PLCB1: variants seen among roughly 807,000 people sequenced by gnomAD.
PLCB1 encodes phospholipase C beta 1.
PLCB1 carries 46 observed loss-of-function variants against 161.8 expected under a neutral mutation model. The observed-to-expected ratio is 0.28, with a 90% CI of 0.22 to 0.36. The LOEUF (loss-of-function observed/expected upper bound fraction) is 0.36. PLCB1 is among the 10% of genes least tolerant of loss of function. PLCB1 has a pLI of 1.00. For synonymous variants in PLCB1, 517 were observed against 503.7 expected (o/e 1.03, Z -0.35); for missense variants, 1,016 against 1,472.5 (o/e 0.69, Z 5.07).
rs75467343 is a variant in PLCB1, at chr20:8,654,755, C to T, written c.595-2429C>T. Among the ~76,000 whole-genome samples the T allele has an allele frequency of 6.3e-3, 965 of 152,000 alleles. 7 individuals carry two copies. Among genetic ancestry groups the T allele is most frequent in the African/African-American group, 0.022 (924 of 41,492 alleles). On this transcript the variant is annotated intron_variant, in intron 7 of 31. Coordinates refer to ENST00000338037, the MANE Select transcript of PLCB1 (RefSeq NM_015192.4). ...CCTAGACAAACAGGAAAAATGAATC[C>T]GTGCCATTCACTTCACCAAGCTGTG...
chr20:8,403,155 G>T (rs1296725586), intron 3 of PLCB1, among the ~76,000 whole-genome samples: 3 of 151,968 alleles, frequency 2.0e-5, no homozygotes, highest in East Asian at 1.9e-4. Flanking sequence ...AGTCCCAAAT[G>T]ATATAAAAAA....
chr20:8,673,049 T>G (rs1765648395), intron 9 of PLCB1, among the ~76,000 whole-genome samples: 1 of 151,780 alleles, frequency 6.6e-6, no homozygotes, highest in Non-Finnish European at 1.5e-5. Context: ...GAGGCAGAGG[T>G]TGCAGTGAGC....
At chr20:8,648,570 A>G (rs1401315922) in intron 6 of PLCB1, among the ~76,000 whole-genome samples, 2 of 152,196 alleles carry the variant, frequency 1.3e-5, no homozygotes, top group East Asian at 1.9e-4. Context: ...AGTAACGAAA[A>G]AAAGTCCATC....
At chr20:8,144,152 A>T (rs1343545891) in intron 1 of PLCB1, among the ~76,000 whole-genome samples, 1 of 152,216 alleles carries the variant, frequency 6.6e-6, no homozygotes. Context: ...CAATAAGTAC[A>T]TGAAAAGATG....
At chr20:8,662,215 AATT>A (rs1357213133) in intron 9 of PLCB1, among the ~76,000 whole-genome samples, 3 of 76,256 alleles carry the variant, frequency 3.9e-5, no homozygotes, top group African/African-American at 1.1e-4. Flanking sequence ...TATTATATAT[AATT>A]ATTATATAAT....
At chr20:8,261,302 C>T (rs756468641) in intron 2 of PLCB1, among the ~76,000 whole-genome samples, 29 of 152,030 alleles carry the variant, frequency 1.9e-4, no homozygotes, top group Non-Finnish European at 4.0e-4. Context: ...ACACTTGCCG[C>T]GCTTAGAGAG....
intron 3 of PLCB1, among the ~76,000 whole-genome samples, chr20:8,594,691 A>G (rs978236142): frequency 3.4e-4 from 51 of 152,170 alleles, no homozygotes; most frequent in African/African-American, 1.9e-4. Flanking sequence ...GAAACCAAAA[A>G]AAAAAAAGCA....
At chr20:8,388,951 G>A (rs569549519) in intron 3 of PLCB1, among the ~76,000 whole-genome samples, 1 of 152,266 alleles carries the variant, frequency 6.6e-6, no homozygotes, top group South Asian at 2.1e-4. Context: ...CAGGGGTTCA[G>A]GGGTGGTTAA....
At chr20:8,571,375 G>A (rs1407259477) in intron 3 of PLCB1, among the ~76,000 whole-genome samples, 3 of 152,102 alleles carry the variant, frequency 2.0e-5, no homozygotes, top group East Asian at 1.9e-4. Context: ...CCAGCTACTC[G>A]GGAAGCTGAG....
At chr20:8,544,590 C>T (rs1985461764) in intron 3 of PLCB1, among the ~76,000 whole-genome samples, 1 of 152,158 alleles carries the variant, frequency 6.6e-6, no homozygotes, top group South Asian at 2.1e-4. Context: ...AATGAGAAGG[C>T]ACTGCGTATG....
chr20:8,533,682 G>A (rs6039180), intron 3 of PLCB1, among the ~76,000 whole-genome samples: 91,374 of 144,980 alleles, frequency 0.63, 29,377 homozygotes, highest in African/African-American at 0.73. Flanking sequence ...GTGTCTGTTC[G>A]TGTCCTTCAC....
chr20:8,336,997 G>A (rs1308578764), intron 2 of PLCB1, among the ~76,000 whole-genome samples: 1 of 151,864 alleles, frequency 6.6e-6, no homozygotes, highest in Non-Finnish European at 1.5e-5. Flanking sequence ...ACATATTTTA[G>A]GATCATTTCT....
chr20:8,416,998 T>TATGTAGTTTTAAATAC (rs1355917662), intron 3 of PLCB1, among the ~76,000 whole-genome samples: 18 of 144,264 alleles, frequency 1.2e-4, no homozygotes, highest in African/African-American at 4.3e-4. Flanking sequence ...AACACATATA[T>TATGTAGTTTTAAATAC]ATGTAGTTTT....
rs985845588 is a variant in PLCB1 at position 8,433,724 on chromosome 20, A to ATCCTCC, written c.246+62289_246+62294dup. ...TCTCCTCTTCCTCCTCCTCCTCCTCATCCTCCTCCTCCTCCTCCTCATGGA... is the reference window on the plus strand; with the variant it reads ...TCTCCTCTTCCTCCTCCTCCTCCTCATCCTCCTCCTCCTCCTCCTCCTCCTCATGGA... On this transcript the variant is annotated intron_variant, in intron 3 of 31. Transcript: ENST00000338037. Among the ~76,000 whole-genome samples the ATCCTCC allele has an allele frequency of 5.5e-5, 8 of 146,778 alleles. 1 individual carries two copies. The highest frequency in any genetic ancestry group is 4.0e-4 in the Admixed American group (6 of 14,864).
At chr20:8,441,204 A>G (rs1980544964) in intron 3 of PLCB1, among the ~76,000 whole-genome samples, 1 of 152,208 alleles carries the variant, frequency 6.6e-6, no homozygotes, top group African/African-American at 2.4e-5. Flanking sequence ...TAAAGTAGTA[A>G]CATTGTTTAT....
intron 2 of PLCB1, among the ~76,000 whole-genome samples, chr20:8,298,309 AAG>A (rs1555796256): frequency 6.9e-4 from 104 of 151,658 alleles, no homozygotes; most frequent in African/African-American, 2.5e-3. Flanking sequence ...AAAAAAAAAA[AAG>A]ATGCAAGAAC....
At chr20:8,153,246 G>A (rs1229283428) in intron 2 of PLCB1, among the ~76,000 whole-genome samples, 1 of 152,166 alleles carries the variant, frequency 6.6e-6, no homozygotes, top group Non-Finnish European at 1.5e-5. Flanking sequence ...TTCATGCTTT[G>A]TACCAGCTCT....
At chr20:8,481,124 A>G (rs1387707512) in intron 3 of PLCB1, among the ~76,000 whole-genome samples, 1 of 76,928 alleles carries the variant, frequency 1.3e-5, no homozygotes, top group African/African-American at 4.8e-5. Flanking sequence ...CCACCCTCCC[A>G]AAAAAGAAAA....
At chr20:8,293,680 T>G in intron 2 of PLCB1, among the ~76,000 whole-genome samples, 1 of 152,166 alleles carries the variant, frequency 6.6e-6, no homozygotes, top group Non-Finnish European at 1.5e-5. Flanking sequence ...CAATAACCTC[T>G]TAATATCATT....
Sources: allele counts gnomAD v4.1 joint callset (sites outside exome capture counted in the v4.1 genomes callset), GRCh38; gene constraint gnomAD v4.1.1; transcripts MANE v1.5; gene names NCBI Gene and HGNC (gene_info 2026-07-23, HGNC 2026-07-21).